CPE: variants seen among roughly 807,000 people sequenced by gnomAD.
The protein encoded by CPE is carbocypeptidase E.
Under a neutral mutation model 53.5 loss-of-function variants are expected in CPE, and 17 were observed. The observed-to-expected ratio is 0.32, with a 90% CI of 0.22 to 0.48. The LOEUF (loss-of-function observed/expected upper bound fraction) is 0.48. CPE is among the 20% of genes least tolerant of loss of function. The pLI is 0.99. For missense variants in CPE, 524 were observed against 614.7 expected, an observed-to-expected ratio of 0.85 and a Z score of 1.56; for synonymous variants, 226 against 228.8, an observed-to-expected ratio of 0.99 and a Z score of 0.11.
chr4:165,497,123 T>C (rs1271020520), intron 8 of CPE, among the ~76,000 whole-genome samples: 2 of 152,160 alleles, frequency 1.3e-5, no homozygotes, highest in Non-Finnish European at 2.9e-5. Context: ...GGTTTCACCA[T>C]GTTGGTCAGG....
chr4:165,415,968 A>C (rs1047196754), intron 1 of CPE, among the ~76,000 whole-genome samples: 1 of 152,140 alleles, frequency 6.6e-6, no homozygotes, highest in Non-Finnish European at 1.5e-5. Context: ...AGAGGTAAAC[A>C]CTAAATATAA....
At chr4:165,487,362 T>C in intron 5 of CPE, 76 bp from the exon 6 acceptor site, 1 of 1,577,400 alleles carries the variant, frequency 6.3e-7, no homozygotes, top group Non-Finnish European at 8.6e-7. Context: ...ACTTGGTTCT[T>C]GATTCAGAAG....
chr4:165,443,874 A>G (rs985543381), intron 1 of CPE, among the ~76,000 whole-genome samples: 3 of 152,142 alleles, frequency 2.0e-5, no homozygotes, highest in Admixed American at 1.3e-4. Flanking sequence ...CTGAATCCTT[A>G]TGAATGGGAT....
chr4:165,493,233 C>T lies in CPE; in HGVS notation c.1176C>T (p.Thr392=), dbSNP rs1226611902. ...DLQGNPIANA[T]ISVEGIDHDV... ...AAGGTAACCCAATTGCGAATGCCAC[C>T]ATCTCCGTGGAAGGAATAGACCACG... is the stretch of plus-strand genomic sequence containing the variant. The change falls in exon 7 of 9, where the codon ACC becomes ACT. Residue 392 remains threonine, a synonymous_variant. Transcript: ENST00000402744. The T allele has an allele frequency of 6.2e-7, 1 of 1,613,992 alleles. No individual in the cohort carries two copies. Among genetic ancestry groups the T allele is most frequent in the African/African-American group, 1.3e-5 (1 of 74,930 alleles).
intron 8 of CPE, among the ~76,000 whole-genome samples, chr4:165,496,064 C>T (rs941796975): frequency 2.6e-5 from 4 of 151,902 alleles, no homozygotes; most frequent in African/African-American, 9.7e-5. Context: ...TAACCAAACA[C>T]TTATTTAGCA....
chr4:165,449,628 T>A (rs1252431271), intron 1 of CPE, among the ~76,000 whole-genome samples: 1 of 152,216 alleles, frequency 6.6e-6, no homozygotes, highest in Non-Finnish European at 1.5e-5. Context: ...GATGAATATA[T>A]CTATCTGTTG....
chr4:165,397,496 TAGCTC>T (rs1730787512), intron 1 of CPE, among the ~76,000 whole-genome samples: 1 of 152,340 alleles, frequency 6.6e-6, no homozygotes, highest in African/African-American at 2.4e-5. Context: ...CTTCTGATAT[TAGCTC>T]CTCTCTTCCC....
chr4:165,435,836 A>G (rs1731492300), intron 1 of CPE, among the ~76,000 whole-genome samples: 1 of 152,190 alleles, frequency 6.6e-6, no homozygotes, highest in East Asian at 1.9e-4. Context: ...CTATCACTCC[A>G]TTAAAGACTA....
At chr4:165,392,519 A>G (rs1730700210) in intron 1 of CPE, among the ~76,000 whole-genome samples, 1 of 145,270 alleles carries the variant, frequency 6.9e-6, no homozygotes, top group African/African-American at 2.5e-5. Context: ...TATATAATAT[A>G]TGTATATATT....
chr4:165,422,063 T>C (rs1419155404), intron 1 of CPE, among the ~76,000 whole-genome samples: 1 of 152,172 alleles, frequency 6.6e-6, no homozygotes, highest in Non-Finnish European at 1.5e-5. Context: ...CTGAGAAGTT[T>C]TAAAATAACA....
At chr4:165,387,565 C>T (rs1730613369) in intron 1 of CPE, among the ~76,000 whole-genome samples, 1 of 152,076 alleles carries the variant, frequency 6.6e-6, no homozygotes, top group Non-Finnish European at 1.5e-5. Context: ...AATCCTAGCA[C>T]TTTGGGAGGC....
At chr4:165,412,176 A>G (rs1731052409) in intron 1 of CPE, among the ~76,000 whole-genome samples, 2 of 152,224 alleles carry the variant, frequency 1.3e-5, no homozygotes, top group South Asian at 4.1e-4. Context: ...AAAGCACATC[A>G]TGGAAAAGTT....
intron 3 of CPE, among the ~76,000 whole-genome samples, chr4:165,479,884 C>T (rs1023287334): frequency 4.7e-5 from 7 of 150,520 alleles, no homozygotes; most frequent in East Asian, 2.0e-4. Context: ...CCCAGCTACG[C>T]GGGAGGCGGA....
At chr4:165,417,592 A>G (rs964687427) in intron 1 of CPE, among the ~76,000 whole-genome samples, 19 of 151,052 alleles carry the variant, frequency 1.3e-4, no homozygotes, top group African/African-American at 4.6e-4. Context: ...GTCTTTTTTG[A>G]TGGTAGAAAA....
At chr4:165,385,029 C>A (rs980085045) in intron 1 of CPE, among the ~76,000 whole-genome samples, 4 of 152,132 alleles carry the variant, frequency 2.6e-5, no homozygotes, top group African/African-American at 9.7e-5. Flanking sequence ...GACAAATGCA[C>A]CACAATTCTT....
chr4:165,395,035 G>GT lies in CPE; in HGVS notation c.307+15514dup, dbSNP rs911225865. Among the ~76,000 whole-genome samples the GT allele has an allele frequency of 7.2e-5, 11 of 152,088 alleles. 1 individual carries two copies. Among genetic ancestry groups the GT allele is most frequent in the East Asian group, 1.9e-4 (1 of 5,190 alleles). On this transcript the variant is annotated intron_variant, in intron 1 of 8. Coordinates refer to ENST00000402744, the MANE Select transcript of CPE (RefSeq NM_001873.4). ...AATATATGATATACGTGTGAATGATGTTTTTTTGTTTTGATTTTTGTCCTG... is the reference window on the plus strand; with the variant it reads ...AATATATGATATACGTGTGAATGATGTTTTTTTTGTTTTGATTTTTGTCCTG...
At chr4:165,484,360 GA>G in intron 4 of CPE, 61 bp from the exon 5 acceptor site, 1 of 1,476,156 alleles carries the variant, frequency 6.8e-7, no homozygotes, top group Non-Finnish European at 9.3e-7. Flanking sequence ...TCACTCTTTA[GA>G]AAACATGCTG....
At chr4:165,484,648 T>C (rs2304592) in intron 5 of CPE, 44 bp downstream of exon 5, 106,383 of 1,539,922 alleles carry the variant, frequency 0.069, 4,396 homozygotes, top group African/African-American at 0.17. Flanking sequence ...TGTAGCTTAT[T>C]TACAATGACC....
intron 1 of CPE, among the ~76,000 whole-genome samples, chr4:165,440,369 T>G (rs145654753): frequency 1.0e-3 from 152 of 151,916 alleles, no homozygotes; most frequent in African/African-American, 3.6e-3. Flanking sequence ...AATATGGAAG[T>G]GTACCAAAGT....
Sources: allele counts gnomAD v4.1 joint callset (sites outside exome capture counted in the v4.1 genomes callset), GRCh38; gene constraint gnomAD v4.1.1; transcripts MANE v1.5; gene names NCBI Gene and HGNC (gene_info 2026-07-23, HGNC 2026-07-21).